CHN1: variants seen among roughly 807,000 people sequenced by gnomAD.
The protein encoded by CHN1 is N-chimaerin.
A neutral mutation model predicts 59.5 loss-of-function variants in CHN1; 37 were observed. The ratio of observed to expected loss-of-function variants is 0.62; its 90% CI spans 0.48 to 0.82. The LOEUF (loss-of-function observed/expected upper bound fraction) is 0.82, where lower values mean the gene tolerates loss of function less well. Ranked by LOEUF, CHN1 falls within the 40% of genes least tolerant of loss-of-function variation. The probability of loss-of-function intolerance (pLI) is 0.00; values close to 1 mark genes in which losing one functional copy is unlikely to be tolerated. For synonymous variants in CHN1, 206 were observed against 200.4 expected, an observed-to-expected ratio of 1.03 and a Z score of -0.24; for missense variants, 469 against 571.0, an observed-to-expected ratio of 0.82 and a Z score of 1.82.
chr2:174,998,284 C>CA (rs1691776154), intron 1 of CHN1, among the ~76,000 whole-genome samples: 1 of 108,486 alleles, frequency 9.2e-6, no homozygotes, highest in African/African-American at 3.6e-5. Flanking sequence ...GCCTGGGTGA[C>CA]AGAGTGAGAC....
At chr2:174,831,237 AT>A (rs1191510648) in intron 7 of CHN1, among the ~76,000 whole-genome samples, 3 of 152,218 alleles carry the variant, frequency 2.0e-5, no homozygotes, top group Admixed American at 1.3e-4. Flanking sequence ...ACAATTCAAT[AT>A]TGGCCTTATT....
intron 1 of CHN1, among the ~76,000 whole-genome samples, chr2:174,999,703 A>G (rs1691823862): frequency 6.6e-6 from 1 of 152,246 alleles, no homozygotes; most frequent in Admixed American, 6.5e-5. Flanking sequence ...GTTATGCAGA[A>G]AGCAGATATA....
In CHN1 at chr2:174,833,866, A is replaced by T. The variant is rs577576671; in HGVS notation, c.628-9348T>A. On this transcript the variant is annotated intron_variant, in intron 7 of 12. Transcript: ENST00000409900. ...GAGTGCAGTGGCACAATCATAGCTC[A>T]CTGCAGCCTCACACTCCTGGACTCA... 2.9e-4 allele frequency among the ~76,000 whole-genome samples: 44 copies of T among 149,876 alleles called. 1 individual carries two copies. The highest frequency in any genetic ancestry group is 3.0e-5 in the Non-Finnish European group (2 of 67,722).
intron 5 of CHN1, among the ~76,000 whole-genome samples, chr2:174,892,730 A>AT (rs1200979472): frequency 2.6e-5 from 4 of 152,208 alleles, no homozygotes; most frequent in Non-Finnish European, 5.9e-5. Flanking sequence ...AGTGAACCAA[A>AT]TTAAACAGCA....
intron 1 of CHN1, among the ~76,000 whole-genome samples, chr2:175,003,684 T>C (rs141243779): frequency 7.2e-5 from 11 of 152,356 alleles, no homozygotes; most frequent in Admixed American, 5.9e-4. Context: ...AAAGTACCTA[T>C]GGAGGATCAT....
intron 11 of CHN1, among the ~76,000 whole-genome samples, chr2:174,802,677 C>A (rs953092666): frequency 6.6e-6 from 1 of 152,150 alleles, no homozygotes; most frequent in African/African-American, 2.4e-5. Context: ...TGGAATTCTG[C>A]GATCTCAAAA....
At chr2:174,982,329 G>A (rs1400589068) in intron 1 of CHN1, among the ~76,000 whole-genome samples, 1 of 152,064 alleles carries the variant, frequency 6.6e-6, no homozygotes, top group Non-Finnish European at 1.5e-5. Flanking sequence ...AGGATGGCTG[G>A]GTCAAATGGT....
chr2:174,958,319 C>T (rs1313395681), intron 1 of CHN1, among the ~76,000 whole-genome samples: 1 of 152,176 alleles, frequency 6.6e-6, no homozygotes, highest in East Asian at 1.9e-4. Flanking sequence ...CCGGCAATAA[C>T]CATGAATGTA....
At chr2:174,830,242 T>C (rs933882915) in intron 7 of CHN1, among the ~76,000 whole-genome samples, 1 of 150,438 alleles carries the variant, frequency 6.6e-6, no homozygotes, top group Non-Finnish European at 1.5e-5. Flanking sequence ...CAAAAAAAAA[T>C]AAAAAATAAA....
chr2:174,969,809 T>C (rs1690703401), intron 1 of CHN1, among the ~76,000 whole-genome samples: 1 of 152,162 alleles, frequency 6.6e-6, no homozygotes, highest in African/African-American at 2.4e-5. Context: ...CAGGATTTTT[T>C]TGTCATCTGT....
chr2:174,974,898 T>TACACACACACACACAC (rs373940330), intron 1 of CHN1, among the ~76,000 whole-genome samples: 39 of 144,366 alleles, frequency 2.7e-4, no homozygotes, highest in African/African-American at 8.6e-4. Context: ...AAATAATTAA[T>TACACACACACACACAC]ACACACACAC....
At chr2:174,866,827 T>C (rs1177675447) in intron 6 of CHN1, among the ~76,000 whole-genome samples, 1 of 152,184 alleles carries the variant, frequency 6.6e-6, no homozygotes, top group African/African-American at 2.4e-5. Flanking sequence ...TCATATAGTT[T>C]TATAATTTTA....
intron 5 of CHN1, among the ~76,000 whole-genome samples, chr2:174,912,534 G>C (rs1384244925): frequency 1.3e-5 from 2 of 152,118 alleles, no homozygotes; most frequent in Admixed American, 1.3e-4. Flanking sequence ...TAATTTTAGA[G>C]CCCCTAGTTG....
intron 8 of CHN1, among the ~76,000 whole-genome samples, chr2:174,824,097 T>G (rs1243640701): frequency 6.6e-6 from 1 of 152,218 alleles, no homozygotes; most frequent in East Asian, 1.9e-4. Flanking sequence ...AAAAAATCAT[T>G]TTTATAAATT....
Position 175,005,346 on chromosome 2 carries a change from G to T in CHN1, c.-434C>A. On this transcript the variant is annotated 5_prime_UTR_variant, in exon 1 of 13. Transcript: ENST00000409900. ...GGGCGCGCTCACTCCGCATCCCGCG[G>T]CCTCGCAGACGCCATCTTGCGATAG... 1 of 1,151,768 alleles carries T rather than the reference G, an allele frequency of 8.7e-7. No homozygotes were observed. The highest frequency in any genetic ancestry group is 1.8e-5 in the South Asian group (1 of 54,614). 71.3% of individuals were successfully genotyped at this position (1,151,768 alleles called of 1,614,324 possible).
chr2:174,905,680 T>A (rs1358636973), intron 5 of CHN1, among the ~76,000 whole-genome samples: 1 of 152,104 alleles, frequency 6.6e-6, no homozygotes, highest in African/African-American at 2.4e-5. Context: ...TTCTCCTGCC[T>A]CAGCCTCCTG....
At chr2:174,852,512 AT>A (rs1307973463) in intron 6 of CHN1, among the ~76,000 whole-genome samples, 1 of 152,198 alleles carries the variant, frequency 6.6e-6, no homozygotes, top group Non-Finnish European at 1.5e-5. Flanking sequence ...GCCCAAAGCA[AT>A]TTATAGATTC....
At chr2:174,953,054 A>T (rs1336342351) in intron 1 of CHN1, among the ~76,000 whole-genome samples, 1 of 152,180 alleles carries the variant, frequency 6.6e-6, no homozygotes, top group Non-Finnish European at 1.5e-5. Context: ...ACGACTGCAG[A>T]AACATTTTTT....
chr2:174,946,272 A>G (rs914999975), intron 2 of CHN1, among the ~76,000 whole-genome samples: 1 of 152,216 alleles, frequency 6.6e-6, no homozygotes, highest in African/African-American at 2.4e-5. Flanking sequence ...ATTATTATAC[A>G]TAGGTGATTG....
Sources: gnomAD v4.1 joint callset for allele counts (sites outside exome capture counted in the v4.1 genomes callset) on GRCh38, gnomAD v4.1.1 for gene constraint, MANE v1.5 for transcripts, NCBI Gene and HGNC (gene_info 2026-07-23, HGNC 2026-07-21) for gene names.